The following TYW1 variants were observed in gnomAD, a reference collection of about 807,000 sequenced individuals.
TYW1 encodes tRNA-yW synthesizing protein 1 homolog, also known as S-adenosyl-L-methionine-dependent tRNA 4-demethylwyosine synthase TYW1.
Under a neutral mutation model 96.2 loss-of-function variants are expected in TYW1, and 46 were observed. The observed-to-expected ratio is 0.48, with a 90% CI of 0.38 to 0.61. The LOEUF (loss-of-function observed/expected upper bound fraction) is 0.61, where lower values mean the gene tolerates loss of function less well. Among genes scored for constraint, TYW1 ranks in the 20% least tolerant of loss-of-function variants. The pLI is 0.00. For missense variants in TYW1, 684 were observed against 909.6 expected (o/e 0.75, Z 3.19); for synonymous variants, 274 against 323.0 (o/e 0.85, Z 1.63).
chr7:67,004,785 T>G (rs547571956), intron 3 of TYW1, among the ~76,000 whole-genome samples: 1 of 152,326 alleles, frequency 6.6e-6, no homozygotes, highest in South Asian at 2.1e-4. Flanking sequence ...AGACAGAGTC[T>G]TTCTCTGTCA....
chr7:67,233,114 G>A (rs1379489732), intron 15 of TYW1, among the ~76,000 whole-genome samples: 8 of 86,610 alleles, frequency 9.2e-5, no homozygotes, highest in Non-Finnish European at 1.8e-4. Context: ...TCTTGGGTCT[G>A]CTAAACCAGT....
chr7:67,167,837 C>A (rs10235588), intron 13 of TYW1, among the ~76,000 whole-genome samples: 42,382 of 151,616 alleles, frequency 0.28, 6,468 homozygotes, highest in African/African-American at 0.4. Flanking sequence ...TCACTGCAAC[C>A]TCTGCCTCCT....
At chr7:67,053,029 C>T (rs1156735640) in intron 8 of TYW1, among the ~76,000 whole-genome samples, 2 of 151,588 alleles carry the variant, frequency 1.3e-5, no homozygotes, top group African/African-American at 2.4e-5. Context: ...GCTTGAGCCA[C>T]GGTGCCTGGC....
At chr7:67,020,348 C>T (rs537899061) in intron 6 of TYW1, among the ~76,000 whole-genome samples, 3 of 18,078 alleles carry the variant, frequency 1.7e-4, no homozygotes, top group South Asian at 1.6e-3. Context: ...AAGCAGTTCT[C>T]CTGCCTCAGG....
At chr7:67,097,566 T>C (rs993860237) in intron 11 of TYW1, among the ~76,000 whole-genome samples, 10 of 152,154 alleles carry the variant, frequency 6.6e-5, no homozygotes, top group African/African-American at 2.4e-4. Flanking sequence ...GCCCAGCTAA[T>C]TTTTGCATTT....
intron 3 of TYW1, among the ~76,000 whole-genome samples, 177 bp downstream of exon 3, chr7:66,999,131 G>C (rs1793293018): frequency 6.6e-6 from 1 of 152,108 alleles, no homozygotes; most frequent in South Asian, 2.1e-4. Context: ...TGTGACGGTA[G>C]GCAGGTTTCA....
intron 7 of TYW1, among the ~76,000 whole-genome samples, chr7:67,047,751 C>T (rs542148134): frequency 1.6e-3 from 234 of 145,426 alleles, no homozygotes; most frequent in African/African-American, 5.6e-3. Context: ...GAGATATTGA[C>T]TCCAAATTTC....
intron 14 of TYW1, among the ~76,000 whole-genome samples, chr7:67,192,101 G>A (rs1017067730): frequency 4.3e-4 from 65 of 151,864 alleles, no homozygotes; most frequent in African/African-American, 1.4e-3. Context: ...TCACCATGTC[G>A]GCAAGGCTGG....
At chr7:67,172,218 A>AT in intron 13 of TYW1, among the ~76,000 whole-genome samples, 1 of 151,030 alleles carries the variant, frequency 6.6e-6, no homozygotes, top group Non-Finnish European at 1.5e-5. Flanking sequence ...TTTAGTATTT[A>AT]TTTTTTTATT....
intron 13 of TYW1, among the ~76,000 whole-genome samples, chr7:67,178,576 A>G (rs1311690180): frequency 6.6e-6 from 1 of 152,190 alleles, no homozygotes; most frequent in Non-Finnish European, 1.5e-5. Flanking sequence ...AACTTGTTGT[A>G]TATTCATGCA....
intron 15 of TYW1, among the ~76,000 whole-genome samples, chr7:67,217,234 A>G (rs180742783): frequency 1.3e-3 from 200 of 152,264 alleles, no homozygotes; most frequent in African/African-American, 4.7e-3. Context: ...CTCTGTTGAT[A>G]CTGCCTTTTG....
At chr7:67,072,627 G>A (rs759056945) in intron 10 of TYW1, among the ~76,000 whole-genome samples, 18 of 151,826 alleles carry the variant, frequency 1.2e-4, no homozygotes, top group East Asian at 1.9e-4. Context: ...ATTAAACCTC[G>A]GTGAACATTT....
chr7:67,042,952 G>C (rs761224390), intron 7 of TYW1, among the ~76,000 whole-genome samples: 14 of 151,938 alleles, frequency 9.2e-5, no homozygotes, highest in Non-Finnish European at 2.9e-5. Flanking sequence ...AGCAGAGATT[G>C]TGCCTCTGTA....
chr7:67,019,816 C>CA (rs1794178825), intron 6 of TYW1, among the ~76,000 whole-genome samples: 1 of 152,260 alleles, frequency 6.6e-6, no homozygotes. Flanking sequence ...TGCTTTATAG[C>CA]GATAATATTG....
At chr7:67,061,470 C>T (rs948854273) in intron 9 of TYW1, among the ~76,000 whole-genome samples, 4 of 152,166 alleles carry the variant, frequency 2.6e-5, no homozygotes, top group African/African-American at 9.7e-5. Flanking sequence ...GATTTAAAAA[C>T]CTCCTGAGCT....
chr7:67,149,474 A>T (rs1005666458), intron 13 of TYW1, among the ~76,000 whole-genome samples: 70 of 152,318 alleles, frequency 4.6e-4, no homozygotes, highest in Non-Finnish European at 7.3e-4. Context: ...AATAAAAAAA[A>T]TTTTGCCATT....
At chr7:67,022,952 G>A (rs1427967284) in intron 6 of TYW1, among the ~76,000 whole-genome samples, 7 of 152,136 alleles carry the variant, frequency 4.6e-5, no homozygotes, top group Non-Finnish European at 1.0e-4. Context: ...CAGGACAGGC[G>A]TGACCTCGTC....
intron 15 of TYW1, among the ~76,000 whole-genome samples, chr7:67,202,088 A>T (rs1800620992): frequency 6.6e-6 from 1 of 152,206 alleles, no homozygotes; most frequent in African/African-American, 2.4e-5. Context: ...TCCAAAAAGC[A>T]AAACAAGGCT....
intron 7 of TYW1, among the ~76,000 whole-genome samples, chr7:67,044,915 C>T (rs867923366): frequency 5.9e-5 from 9 of 152,056 alleles, no homozygotes; most frequent in Admixed American, 3.9e-4. Flanking sequence ...CCACCACACC[C>T]GGCCAAGCCA....
Sources: gnomAD v4.1 joint callset for allele counts (sites outside exome capture counted in the v4.1 genomes callset) on GRCh38, gnomAD v4.1.1 for gene constraint, MANE v1.5 for transcripts, NCBI Gene and HGNC (gene_info 2026-07-23, HGNC 2026-07-21) for gene names.